SETD5: variants seen among roughly 807,000 people sequenced by gnomAD.
SETD5 encodes SET domain containing 5.
SETD5 carries 44 observed loss-of-function variants against 153.3 expected under a neutral mutation model. That is an observed-to-expected ratio of 0.29 (90% CI 0.23 to 0.37). SETD5 has a LOEUF of 0.37. Among genes scored for constraint, SETD5 ranks in the 10% least tolerant of loss-of-function variants. The pLI is 1.00. For synonymous variants in SETD5, 716 were observed against 645.2 expected, an observed-to-expected ratio of 1.11 and a Z score of -1.66; for missense variants, 1,544 against 1,768.0, an observed-to-expected ratio of 0.87 and a Z score of 2.27.
chr3:9,458,802 C>T (rs2043571829), intron 17 of SETD5, among the ~76,000 whole-genome samples: 1 of 151,962 alleles, frequency 6.6e-6, no homozygotes, highest in African/African-American at 2.4e-5. Context: ...ACCTAGTAGT[C>T]GTTCATTTGT....
At chr3:9,464,399 T>A (rs1286883875) in intron 17 of SETD5, 26 bp from the exon 18 acceptor site, 55 of 1,594,948 alleles carry the variant, frequency 3.4e-5, no homozygotes, top group Non-Finnish European at 4.7e-5. Context: ...GGTTTCAAAC[T>A]CTCATCCAAG....
chr3:9,476,112 C>T lies in SETD5; in HGVS notation c.*21C>T. The T allele has an allele frequency of 6.2e-7, 1 of 1,606,882 alleles. No individual in the cohort carries two copies. ...CCTAGGGCTTCTGGATTTGGGCAAA[C>T]AGAACTGAATGAGCCCATAGCTGCT... On this transcript the variant is annotated 3_prime_UTR_variant, in exon 23 of 23. Coordinates refer to ENST00000402198, the MANE Select transcript of SETD5 (RefSeq NM_001080517.3).
rs1333118115 is a variant in SETD5 at position 9,470,919 on chromosome 3, A to G, written c.3185A>G (p.Gln1062Arg). ...CCATCTGCCCCCCAGAACCCACCAC[A>G]GAGGAAAAAAGTAAGTGTTTCATGT... is the stretch of plus-strand genomic sequence containing the variant. ...GVPSAPQNPPQRKKVSLLEYR... is the reference protein window; with the variant it reads ...GVPSAPQNPPRRKKVSLLEYR... The change falls in exon 19 of 23, where the codon CAG becomes CGG. Residue 1062 changes from glutamine (Q) to arginine (R), a missense_variant. Around this residue, in one of 9 missense-constraint regions of SETD5, gnomAD observed 782 missense variants for 787.2 expected, o/e 0.99. Coordinates refer to ENST00000402198, the MANE Select transcript of SETD5 (RefSeq NM_001080517.3). 1.9e-5 allele frequency: 30 copies of G among 1,558,066 alleles called. No individual in the cohort carries two copies. Among genetic ancestry groups the G allele is most frequent in the Non-Finnish European group, 2.5e-5 (29 of 1,146,272 alleles).
intron 1 of SETD5, among the ~76,000 whole-genome samples, chr3:9,406,607 C>CAAAAAAAAAAAAAAAAAAAAAA (rs746999028): frequency 3.0e-5 from 3 of 99,260 alleles, no homozygotes; most frequent in African/African-American, 1.2e-4. Flanking sequence ...GACTCTGTCT[C>CAAAAAAAAAAAAAAAAAAAAAA]AAAAAAAAAA....
chr3:9,462,247 C>A lies in SETD5; in HGVS notation c.2477-2178C>A, dbSNP rs564190976. 2.0e-5 allele frequency among the ~76,000 whole-genome samples: 3 copies of A among 152,290 alleles called. No homozygotes were observed. The South Asian group carries it at 6.2e-4, about 32-fold the overall frequency. ...AGGCCTGGAATAAATGTCACTCCTT[C>A]CATCCACCAAGCCTTGGGGATATAC... is the stretch of plus-strand genomic sequence containing the variant. On this transcript the variant is annotated intron_variant, in intron 17 of 22. Coordinates refer to ENST00000402198, the MANE Select transcript of SETD5 (RefSeq NM_001080517.3).
At chr3:9,412,585 C>A (rs553709386) in intron 1 of SETD5, among the ~76,000 whole-genome samples, 33 of 151,678 alleles carry the variant, frequency 2.2e-4, no homozygotes, top group African/African-American at 8.0e-4. Context: ...TAAAAAATAT[C>A]TTGTACAGGT....
chr3:9,435,016 G>A lies in SETD5; in HGVS notation c.388+134G>A, dbSNP rs574636059. ...TCTCACCACTTAGGGAGGCCAAAGC[G>A]GGCGGATCACCTGAGGTCGGGAGTT... On this transcript the variant is annotated intron_variant, in intron 6 of 22. Coordinates refer to ENST00000402198, the MANE Select transcript of SETD5 (RefSeq NM_001080517.3). 65 of 971,220 alleles carry A rather than the reference G, an allele frequency of 6.7e-5. No individual in the cohort carries two copies. The South Asian group carries it at 1.0e-3, about 15-fold the overall frequency. 60.2% of individuals were successfully genotyped at this position (971,220 alleles called of 1,614,324 possible). A position where few individuals can be genotyped will look rare whatever the true frequency, so the allele number is the denominator to read the frequency against.
At position 9,434,211 on chromosome 3, in the gene SETD5, A is replaced by G; in HGVS notation, c.178-123A>G. The G allele has an allele frequency of 6.4e-7, 1 of 1,550,910 alleles. No individual in the cohort carries two copies. The highest frequency in any genetic ancestry group is 8.8e-7 in the Non-Finnish European group (1 of 1,141,686). ...TACTTTCTTCTTTCTTTCCATATGTACCATACTTTAGGGGAGAGAGGGGCC... is the reference window on the plus strand; with the variant it reads ...TACTTTCTTCTTTCTTTCCATATGTGCCATACTTTAGGGGAGAGAGGGGCC... On this transcript the variant is annotated intron_variant, in intron 4 of 22. Transcript: ENST00000402198. This position sits in a 1 kb window ranked among gnomAD's most constrained non-coding sequence, Gnocchi z 5.6.
At chr3:9,403,501 C>G (rs1365866375) in intron 1 of SETD5, among the ~76,000 whole-genome samples, 1 of 152,146 alleles carries the variant, frequency 6.6e-6, no homozygotes, top group East Asian at 1.9e-4. Flanking sequence ...TCGTAGTTGT[C>G]TACAATTTTA....
Position 9,473,367 on chromosome 3 carries a change from C to T in SETD5, c.3327C>T (p.Asp1109=), listed in dbSNP as rs760465647. 1.2e-6 allele frequency: 2 copies of T among 1,613,972 alleles called. No individual in the cohort carries two copies. The highest frequency in any genetic ancestry group is 1.7e-6 in the Non-Finnish European group (2 of 1,179,886). The change falls in exon 20 of 23, where the codon GAC becomes GAT. Residue 1109 remains aspartate (D), a synonymous_variant. Transcript: ENST00000402198. ...AAGGCAGCAGTAACTCCGTTTCCGA[C>T]ACTGGTGCCCATGGTGTGCAGGGAT... ...AGQGSSNSVS[D]TGAHGVQGSS...
chr3:9,460,809 A>G (rs1181907830), intron 17 of SETD5, among the ~76,000 whole-genome samples: 2 of 152,060 alleles, frequency 1.3e-5, no homozygotes, highest in Non-Finnish European at 2.9e-5. Context: ...CTTTTTTGTA[A>G]TGGCAGTTTG....
At chr3:9,439,350 T>G (rs558454324) in intron 7 of SETD5, among the ~76,000 whole-genome samples, 105 of 151,842 alleles carry the variant, frequency 6.9e-4, no homozygotes, top group Non-Finnish European at 1.4e-3. Flanking sequence ...TAGTAGACAA[T>G]AATCAGTCAG....
chr3:9,433,828 T>A lies in SETD5; in HGVS notation c.72-17T>A, dbSNP rs1200376751. 2 of 1,612,268 alleles carry A rather than the reference T, an allele frequency of 1.2e-6. No homozygotes were observed. The highest frequency in any genetic ancestry group is 1.7e-6 in the Non-Finnish European group (2 of 1,178,612). On this transcript the variant is annotated splice_polypyrimidine_tract_variant and intron_variant, in intron 3 of 22. Coordinates refer to ENST00000402198, the MANE Select transcript of SETD5 (RefSeq NM_001080517.3). ...TAGGTGTTATGCTATCATGCATTGC[T>A]TTTCGCCTTTGTGCAGCCCTGAATC... is the stretch of plus-strand genomic sequence containing the variant.
rs17081119 is a variant in SETD5 at position 9,477,123 on chromosome 3, G to C, written c.*1032G>C. 0.079 allele frequency: 12,017 copies of C among 152,696 alleles called. 742 individuals carry two copies. The highest frequency in any genetic ancestry group is 0.15 in the African/African-American group (6,256 of 41,498). 9.5% of individuals were successfully genotyped at this position (152,696 alleles called of 1,614,324 possible). On this transcript the variant is annotated 3_prime_UTR_variant, in exon 23 of 23. Transcript: ENST00000402198. ...GTGGCACCGACAGGACTGTGATTGT[G>C]TGTGGGCCTGCCCCACATTTCTCTG...
chr3:9,439,502 T>TA (rs2041010391), intron 7 of SETD5, among the ~76,000 whole-genome samples: 1 of 152,254 alleles, frequency 6.6e-6, no homozygotes, highest in African/African-American at 2.4e-5. Context: ...GCTTTGGTAC[T>TA]ACAGTGTCTT....
intron 18 of SETD5, among the ~76,000 whole-genome samples, chr3:9,465,580 AC>A (rs1284324328): frequency 3.3e-5 from 5 of 152,292 alleles, no homozygotes; most frequent in South Asian, 4.1e-4. Flanking sequence ...AACCAATCTT[AC>A]GTTTCCTATT....
chr3:9,440,330 C>T, intron 7 of SETD5, 126 bp from the exon 8 acceptor site: 1 of 625,394 alleles, frequency 1.6e-6, no homozygotes, highest in Non-Finnish European at 2.9e-6. Context: ...CAGTCCATTA[C>T]TCTTTTATGC....
At chr3:9,447,374 G>T in intron 14 of SETD5, 67 bp downstream of exon 14, 1 of 1,537,440 alleles carries the variant, frequency 6.5e-7, no homozygotes, top group Non-Finnish European at 8.7e-7. Flanking sequence ...CCTAACTTTT[G>T]GAATTTTTAA....
intron 17 of SETD5, among the ~76,000 whole-genome samples, chr3:9,460,243 A>T (rs1009179447): frequency 6.6e-6 from 1 of 151,554 alleles, no homozygotes; most frequent in African/African-American, 2.4e-5. Flanking sequence ...AAAGGGAGAG[A>T]TACGTTTTAT....
Sources: gnomAD v4.1 joint callset for allele counts (sites outside exome capture counted in the v4.1 genomes callset) on GRCh38, gnomAD v4.1.1 for gene constraint, gnomAD v4.1.1 regional missense constraint, Gnocchi (gnomAD v3.1) non-coding constraint, MANE v1.5 for transcripts, NCBI Gene and HGNC (gene_info 2026-07-23, HGNC 2026-07-21) for gene names.